The following LRP4 variants were observed in gnomAD, a reference collection of about 807,000 sequenced individuals.
The protein encoded by LRP4 is LDL receptor related protein 4.
LRP4 carries 95 observed loss-of-function variants against 220.3 expected under a neutral mutation model. That is an observed-to-expected ratio of 0.43 (90% CI 0.37 to 0.51). The LOEUF (loss-of-function observed/expected upper bound fraction) is 0.51, where lower values mean the gene tolerates loss of function less well. Among genes scored for constraint, LRP4 ranks in the 20% least tolerant of loss-of-function variants. The probability of loss-of-function intolerance (pLI) is 0.00; values close to 1 mark genes in which losing one functional copy is unlikely to be tolerated. For synonymous variants in LRP4, 903 were observed against 954.6 expected, an observed-to-expected ratio of 0.95 and a Z score of 1.00; for missense variants, 1,925 against 2,567.0, an observed-to-expected ratio of 0.75 and a Z score of 5.40.
At chr11:46,863,121 G>C (rs1940601841) in intron 36 of LRP4, among the ~76,000 whole-genome samples, 2 of 152,126 alleles carry the variant, frequency 1.3e-5, no homozygotes, top group Admixed American at 1.3e-4. Context: ...AACAGCCTAT[G>C]AGGAGCTGAA....
At chr11:46,896,166 C>T (rs145839157) in intron 9 of LRP4, 44 bp downstream of exon 9, 58 of 1,611,238 alleles carry the variant, frequency 3.6e-5, no homozygotes, top group Middle Eastern at 1.7e-4. Flanking sequence ...GGGTGGGGTT[C>T]GGCCACAAAC....
At position 46,899,282 on chromosome 11, in the gene LRP4, T is replaced by C. The variant is rs574512337; in HGVS notation, c.547+105A>G. 3.0e-6 allele frequency: 3 copies of C among 1,010,268 alleles called. No individual in the cohort carries two copies. The highest frequency in any genetic ancestry group is 2.4e-5 in the East Asian group (1 of 42,176). The allele number at this position is 1,010,268 out of a possible 1,614,324, so 62.6% of individuals were successfully genotyped here. ...GGAGGAGCTGCTGCTGAGGCACCCATGCTCCTTGCCCTTGGTACATGCACT... is the reference window on the plus strand; with the variant it reads ...GGAGGAGCTGCTGCTGAGGCACCCACGCTCCTTGCCCTTGGTACATGCACT... On this transcript the variant is annotated intron_variant, in intron 5 of 37. Transcript: ENST00000378623. The surrounding 1 kb of genome is among the most constrained non-coding windows in gnomAD (Gnocchi z 5.9).
At chr11:46,893,208 A>G (rs1247707680) in intron 12 of LRP4, 79 bp from the exon 13 acceptor site, 1 of 1,545,620 alleles carries the variant, frequency 6.5e-7, no homozygotes, top group East Asian at 2.3e-5. Context: ...GCAAACTCTT[A>G]CAGGAAGCAA....
intron 19 of LRP4, 108 bp downstream of exon 19, chr11:46,883,763 G>T: frequency 2.4e-6 from 2 of 846,128 alleles, no homozygotes. Flanking sequence ...TTGCTTCCTT[G>T]GGCATATCCA....
intron 36 of LRP4, among the ~76,000 whole-genome samples, chr11:46,863,715 C>T (rs1440938415): frequency 6.6e-6 from 1 of 151,514 alleles, no homozygotes; most frequent in Non-Finnish European, 1.5e-5. Flanking sequence ...GCCAAGATTG[C>T]ACCACTGCAC....
rs768742223 is a variant in LRP4, at chr11:46,889,907, G to A, written c.2092+37C>T. ...AGGCACCAGAGGCCACCTCAACCAT[G>A]AGGCTACTTTGGCTCACCCGGTGGG... On this transcript the variant is annotated intron_variant, in intron 15 of 37. Transcript: ENST00000378623. The A allele has an allele frequency of 7.7e-5, 124 of 1,613,086 alleles. 2 individuals are homozygous for A. The South Asian group carries it at 1.3e-3, about 17-fold the overall frequency.
chr11:46,903,025 G>T, intron 1 of LRP4, 96 bp from the exon 2 acceptor site: 1 of 1,430,924 alleles, frequency 7.0e-7, no homozygotes, highest in Non-Finnish European at 9.8e-7. Flanking sequence ...CAGGGGCACT[G>T]TCACCTGGAG....
chr11:46,887,398 A>C (rs981992962), intron 16 of LRP4, among the ~76,000 whole-genome samples: 1 of 152,142 alleles, frequency 6.6e-6, no homozygotes, highest in African/African-American at 2.4e-5. Context: ...GCTGGACACA[A>C]AAGAATGCAA....
rs1231007495 is a variant in LRP4 at position 46,869,503 on chromosome 11, AC to A, written c.4693-372del. ...CAGTCCCCATTTAGTTGATTGAATG[AC>A]TCCCTCTCTAGCAAATAGGAGGAAA... is the stretch of plus-strand genomic sequence containing the variant. On this transcript the variant is annotated intron_variant, in intron 31 of 37. Coordinates refer to ENST00000378623, the MANE Select transcript of LRP4 (RefSeq NM_002334.4). 7.9e-5 allele frequency among the ~76,000 whole-genome samples: 12 copies of A among 152,004 alleles called. 1 individual carries two copies. The South Asian group carries it at 2.5e-3, about 32-fold the overall frequency.
At chr11:46,904,141 G>A (rs968724123) in intron 1 of LRP4, among the ~76,000 whole-genome samples, 2 of 152,210 alleles carry the variant, frequency 1.3e-5, no homozygotes, top group African/African-American at 2.4e-5. Context: ...GGGCCGCAGC[G>A]CATGGCTCAT....
Position 46,871,633 on chromosome 11 carries a change from C to A in LRP4, c.4584G>T (p.Arg1528Ser). 1 of 1,603,716 alleles carries A rather than the reference C, an allele frequency of 6.2e-7. No homozygotes were observed. The highest frequency in any genetic ancestry group is 8.5e-7 in the Non-Finnish European group (1 of 1,173,020). Residue 1528 changes from arginine to serine, a missense_variant and splice_region_variant, in exon 31 of 38, where the codon AGG becomes AGT. Arg to Ser is a moderately radical substitution (Grantham distance 110, BLOSUM62 -1). Coordinates refer to ENST00000378623, the MANE Select transcript of LRP4 (RefSeq NM_002334.4). ...NGLTLDYDTRRIYWVDAHLDR... is the reference protein window; with the variant it reads ...NGLTLDYDTRSIYWVDAHLDR... The stretch of plus-strand genomic sequence containing the variant: ...CCAGATGCGCATCCACCCAGTAGAT[C>A]CTGCGAAGAAAATGAAAAGAGTGGC...
intron 10 of LRP4, 23 bp from the exon 11 acceptor site, chr11:46,895,314 G>C: frequency 1.2e-6 from 2 of 1,610,480 alleles, no homozygotes; most frequent in Middle Eastern, 3.3e-4. Context: ...GGCAGGTCAA[G>C]AGATCTCCCT....
chr11:46,912,047 T>C (rs960181997), intron 1 of LRP4, among the ~76,000 whole-genome samples: 5 of 151,812 alleles, frequency 3.3e-5, no homozygotes, highest in African/African-American at 1.2e-4. Flanking sequence ...AGACATGGGG[T>C]TTCACCATGT....
intron 31 of LRP4, among the ~76,000 whole-genome samples, chr11:46,870,061 G>A (rs981956951): frequency 5.3e-5 from 8 of 150,112 alleles, no homozygotes; most frequent in East Asian, 2.0e-4. Flanking sequence ...AGCCAAGATC[G>A]CACCACTGCA....
intron 7 of LRP4, among the ~76,000 whole-genome samples, chr11:46,898,335 G>A (rs567494383): frequency 6.6e-6 from 1 of 152,298 alleles, no homozygotes; most frequent in African/African-American, 2.4e-5. Context: ...ACAGGCATGC[G>A]CCACCACACC....
chr11:46,900,496 G>T lies in LRP4; in HGVS notation c.200-118C>A, dbSNP rs553843735. 67 of 726,396 alleles carry T rather than the reference G, an allele frequency of 9.2e-5. No homozygotes were observed. The South Asian group carries it at 9.6e-4, about 10-fold the overall frequency. 45.0% of individuals were successfully genotyped at this position (726,396 alleles called of 1,614,324 possible). Reference sequence around the variant, plus strand: ...TGTCTTTTTTTCTTTTTTTGAGACCGAGTCTTACTCTGTCACCCAGGTTGG... The same window carrying T: ...TGTCTTTTTTTCTTTTTTTGAGACCTAGTCTTACTCTGTCACCCAGGTTGG... On this transcript the variant is annotated intron_variant, in intron 2 of 37. Transcript: ENST00000378623.
chr11:46,877,165 A>C, intron 23 of LRP4, 34 bp downstream of exon 23: 1 of 1,612,282 alleles, frequency 6.2e-7, no homozygotes, highest in South Asian at 1.1e-5. Context: ...GGGCAGGGAC[A>C]GAAGGCCAGG....
At chr11:46,889,861 A>G (rs1941382448) in intron 15 of LRP4, 83 bp downstream of exon 15, 3 of 1,483,948 alleles carry the variant, frequency 2.0e-6, no homozygotes, top group East Asian at 4.5e-5. Context: ...TGGCAACTCT[A>G]AGGGGAAGGA....
At chr11:46,878,570 A>G (rs1941073734) in intron 22 of LRP4, among the ~76,000 whole-genome samples, 1 of 152,148 alleles carries the variant, frequency 6.6e-6, no homozygotes, top group Non-Finnish European at 1.5e-5. Flanking sequence ...CACCGTGCCC[A>G]GCCAGAAGTG....
Sources: allele counts gnomAD v4.1 joint callset (sites outside exome capture counted in the v4.1 genomes callset), GRCh38; gene constraint gnomAD v4.1.1; non-coding constraint Gnocchi (gnomAD v3.1); transcripts MANE v1.5; gene names NCBI Gene and HGNC (gene_info 2026-07-23, HGNC 2026-07-21).